MITF: variants seen among roughly 807,000 people sequenced by gnomAD.
MITF encodes melanocyte inducing transcription factor, also known as microphthalmia-associated transcription factor.
In MITF, 17 loss-of-function variants were observed where a neutral mutation model predicts 60.5. The observed-to-expected ratio is 0.28, with a 90% CI of 0.19 to 0.42. The LOEUF is 0.42. Ranked by LOEUF, MITF falls within the 10% of genes least tolerant of loss-of-function variation. The pLI is 1.00. For missense variants in MITF, 622 were observed against 683.5 expected (o/e 0.91, Z 1.00); for synonymous variants, 260 against 248.5 (o/e 1.05, Z -0.43).
intron 2 of MITF, among the ~76,000 whole-genome samples, chr3:69,906,500 A>G (rs2065103195): frequency 6.6e-6 from 1 of 152,190 alleles, no homozygotes; most frequent in Admixed American, 6.6e-5. Context: ...GCTTTGGTTA[A>G]TAAGTGCCAT....
At chr3:69,858,411 G>A (rs1168910078) in intron 1 of MITF, among the ~76,000 whole-genome samples, 1 of 152,112 alleles carries the variant, frequency 6.6e-6, no homozygotes, top group African/African-American at 2.4e-5. Flanking sequence ...TGCTTTAAAA[G>A]TTTGAGAAAT....
intron 1 of MITF, among the ~76,000 whole-genome samples, chr3:69,753,735 CT>C (rs1276099956): frequency 6.6e-6 from 1 of 152,230 alleles, no homozygotes. Flanking sequence ...GGGTTTTGGA[CT>C]TGCATGGAGC....
Position 69,930,272 on chromosome 3 carries a change from G to A in MITF, c.355-7550G>A, listed in dbSNP as rs9917686. Among the ~76,000 whole-genome samples the A allele has an allele frequency of 8.5e-5, 13 of 152,072 alleles. No homozygotes were observed. In the South Asian group the frequency reaches 1.0e-3, roughly 12 times the overall value. ...AGTGTAGATAGATGAAATCAAGCTC[G>A]GATCCTTGAGGCACTCTGACATTTA... On this transcript the variant is annotated intron_variant, in intron 2 of 9. Coordinates refer to ENST00000352241, the MANE Select transcript of MITF (RefSeq NM_001354604.2).
At chr3:69,925,603 A>G (rs2065567717) in intron 2 of MITF, among the ~76,000 whole-genome samples, 1 of 152,236 alleles carries the variant, frequency 6.6e-6, no homozygotes. Flanking sequence ...TCTTACAAGT[A>G]GTAGAGAATA....
At chr3:69,839,802 G>T (rs534106195) in intron 1 of MITF, among the ~76,000 whole-genome samples, 71 of 150,922 alleles carry the variant, frequency 4.7e-4, no homozygotes, top group African/African-American at 1.5e-3. Context: ...AAACGAAAAC[G>T]TTCACATTAG....
chr3:69,957,104 G>A (rs1444412015), intron 8 of MITF, among the ~76,000 whole-genome samples: 3 of 152,158 alleles, frequency 2.0e-5, no homozygotes, highest in Middle Eastern at 3.4e-3. Context: ...TCAGCTTTTG[G>A]TCTCTCTTTA....
chr3:69,772,005 A>G (rs1480441711), intron 1 of MITF, among the ~76,000 whole-genome samples: 2 of 152,232 alleles, frequency 1.3e-5, no homozygotes, highest in African/African-American at 4.8e-5. Flanking sequence ...TTTAATTTTC[A>G]TCAATTAGGA....
intron 1 of MITF, among the ~76,000 whole-genome samples, chr3:69,851,632 G>A (rs1257012271): frequency 1.3e-5 from 2 of 152,246 alleles, no homozygotes; most frequent in Middle Eastern, 3.4e-3. Flanking sequence ...AAAACTGATA[G>A]GTGGTTTCTG....
intron 1 of MITF, among the ~76,000 whole-genome samples, chr3:69,827,929 CAATA>C (rs1229540066): frequency 2.0e-5 from 3 of 152,112 alleles, no homozygotes; most frequent in Non-Finnish European, 4.4e-5. Flanking sequence ...TTCCATAATT[CAATA>C]AATAGTTCTT....
chr3:69,939,190 T>C lies in MITF; in HGVS notation c.666+9T>C, dbSNP rs369025002. Reference sequence around the variant, plus strand: ...GAGCGTCCTGTATGCAGGTACTGAATGACTTGGCAGCCTGAGGATGAACAC... The same window carrying C: ...GAGCGTCCTGTATGCAGGTACTGAACGACTTGGCAGCCTGAGGATGAACAC... On this transcript the variant is annotated intron_variant, in intron 4 of 9. Transcript: ENST00000352241. The C allele has an allele frequency of 1.2e-6, 2 of 1,612,858 alleles. No homozygotes were observed. Among genetic ancestry groups the C allele is most frequent in the South Asian group, 1.1e-5 (1 of 90,986 alleles).
intron 1 of MITF, among the ~76,000 whole-genome samples, chr3:69,761,648 A>T (rs759245608): frequency 1.3e-5 from 2 of 152,216 alleles, no homozygotes; most frequent in Non-Finnish European, 2.9e-5. Context: ...ACAAATAGTT[A>T]TATCTATTAA....
At chr3:69,757,465 G>T (rs1034520875) in intron 1 of MITF, among the ~76,000 whole-genome samples, 1 of 152,278 alleles carries the variant, frequency 6.6e-6, no homozygotes, top group Non-Finnish European at 1.5e-5. Context: ...TAGAGTGAGT[G>T]GTTATGTGTT....
chr3:69,884,606 G>A (rs189136129), intron 2 of MITF, among the ~76,000 whole-genome samples: 17 of 152,236 alleles, frequency 1.1e-4, no homozygotes, highest in Admixed American at 2.0e-4. Context: ...ATGAACACTT[G>A]GGGGTGAGGA....
intron 1 of MITF, chr3:69,763,762 T>C: frequency 7.4e-7 from 1 of 1,359,812 alleles, no homozygotes; most frequent in Admixed American, 2.4e-5. Context: ...CCTCTCCTTT[T>C]GCTTCTGACC....
chr3:69,902,139 G>C (rs927009548), intron 2 of MITF, among the ~76,000 whole-genome samples: 8 of 152,176 alleles, frequency 5.3e-5, no homozygotes, highest in African/African-American at 1.9e-4. Flanking sequence ...GAGTTGACTT[G>C]AGACTTTTTA....
intron 1 of MITF, among the ~76,000 whole-genome samples, chr3:69,846,373 A>G (rs910322884): frequency 1.3e-5 from 2 of 152,160 alleles, no homozygotes; most frequent in African/African-American, 4.8e-5. Context: ...CTGGGAACTC[A>G]TCTCTAAAAT....
chr3:69,840,256 C>T (rs952068292), intron 1 of MITF, among the ~76,000 whole-genome samples: 1 of 152,146 alleles, frequency 6.6e-6, no homozygotes, highest in African/African-American at 2.4e-5. Context: ...TCTCAAAAGG[C>T]TGTGCCAGGA....
chr3:69,757,349 C>G (rs1704190074), intron 1 of MITF, among the ~76,000 whole-genome samples: 1 of 152,078 alleles, frequency 6.6e-6, no homozygotes, highest in South Asian at 2.1e-4. Context: ...TAAACAGTTC[C>G]CATTCAGAGT....
rs191489567 is a variant in MITF at position 69,788,802 on chromosome 3, C to A, written c.104+49101C>A. On this transcript the variant is annotated intron_variant, in intron 1 of 9. Coordinates refer to ENST00000352241, the MANE Select transcript of MITF (RefSeq NM_001354604.2). ...GCTCAGAAGTGAACCCTTGCATATA[C>A]GGTCAAATGATCTTTGACAAGGGTG... Among the ~76,000 whole-genome samples, 4 of 152,226 alleles carry A rather than the reference C, an allele frequency of 2.6e-5. No homozygotes were observed. In the East Asian group the frequency reaches 7.7e-4, roughly 29 times the overall value.
Sources: gnomAD v4.1 joint callset for allele counts (sites outside exome capture counted in the v4.1 genomes callset) on GRCh38, gnomAD v4.1.1 for gene constraint, MANE v1.5 for transcripts, NCBI Gene and HGNC (gene_info 2026-07-23, HGNC 2026-07-21) for gene names.